Variants in GOLM2 observed in about 807,000 individuals in gnomAD.
The protein encoded by GOLM2 is protein GOLM2.
Under a neutral mutation model 55.9 loss-of-function variants are expected in GOLM2, and 26 were observed. The ratio of observed to expected loss-of-function variants is 0.47; its 90% confidence interval spans 0.34 to 0.65. The LOEUF (loss-of-function observed/expected upper bound fraction) is 0.65, where lower values mean the gene tolerates loss of function less well. Among genes scored for constraint, GOLM2 ranks in the 30% least tolerant of loss-of-function variants. GOLM2 has a pLI of 0.01. For synonymous variants in GOLM2, 165 were observed against 194.6 expected (o/e 0.85, Z 1.27); for missense variants, 486 against 531.8 (o/e 0.91, Z 0.85).
At chr15:44,360,152 C>A (rs2079227220) in intron 6 of GOLM2, among the ~76,000 whole-genome samples, 1 of 152,076 alleles carries the variant, frequency 6.6e-6, no homozygotes, top group South Asian at 2.1e-4. Context: ...AACTAACGAG[C>A]AAAATAACCA....
intron 6 of GOLM2, among the ~76,000 whole-genome samples, chr15:44,353,858 C>A (rs2079180701): frequency 6.6e-6 from 1 of 152,062 alleles, no homozygotes; most frequent in South Asian, 2.1e-4. Flanking sequence ...TGAACAAGGT[C>A]TGGTATTTGA....
At chr15:44,329,884 A>G (rs2079010114) in intron 3 of GOLM2, among the ~76,000 whole-genome samples, 1 of 148,300 alleles carries the variant, frequency 6.7e-6, no homozygotes, top group Non-Finnish European at 1.5e-5. Context: ...TCTGGGCAAC[A>G]GGGTGAGAAC....
At chr15:44,400,822 G>A (rs147565847) in intron 8 of GOLM2, among the ~76,000 whole-genome samples, 6,913 of 152,024 alleles carry the variant, frequency 0.045, 269 homozygotes, top group East Asian at 0.19. Context: ...CTGATCGCCC[G>A]CCTTGGCCTC....
intron 6 of GOLM2, among the ~76,000 whole-genome samples, chr15:44,375,597 G>A (rs563391513): frequency 2.0e-5 from 3 of 151,988 alleles, no homozygotes; most frequent in Non-Finnish European, 2.9e-5. Flanking sequence ...GGACAACATA[G>A]TGAGACCTCC....
chr15:44,309,969 C>T (rs906944539), intron 1 of GOLM2, among the ~76,000 whole-genome samples: 1 of 151,896 alleles, frequency 6.6e-6, no homozygotes, highest in African/African-American at 2.4e-5. Context: ...CTGCAACCTC[C>T]GCCTCCTGGG....
At chr15:44,364,286 G>A (rs978194784) in intron 6 of GOLM2, among the ~76,000 whole-genome samples, 1 of 152,156 alleles carries the variant, frequency 6.6e-6, no homozygotes, top group Non-Finnish European at 1.5e-5. Flanking sequence ...CACTTTGGGA[G>A]GCTGAGGCAG....
intron 8 of GOLM2, among the ~76,000 whole-genome samples, chr15:44,394,993 TA>T (rs2141206620): frequency 6.6e-6 from 1 of 152,168 alleles, no homozygotes; most frequent in East Asian, 1.9e-4. Context: ...TATATTACAT[TA>T]ATGACATAAA....
chr15:44,378,680 A>C (rs527833817), intron 6 of GOLM2, among the ~76,000 whole-genome samples: 64 of 152,152 alleles, frequency 4.2e-4, no homozygotes, highest in Non-Finnish European at 7.6e-4. Flanking sequence ...AACTTGTGTC[A>C]ATTTTTATTT....
chr15:44,334,298 CTA>C (rs1474035210), intron 4 of GOLM2, among the ~76,000 whole-genome samples: 1 of 152,172 alleles, frequency 6.6e-6, no homozygotes, highest in Non-Finnish European at 1.5e-5. Flanking sequence ...ACTTTAACTA[CTA>C]TGGCAAGTTG....
At chr15:44,323,051 C>T in intron 2 of GOLM2, 32 bp downstream of exon 2, 1 of 1,422,290 alleles carries the variant, frequency 7.0e-7, no homozygotes. Flanking sequence ...TAAAGATAAA[C>T]CAAGGTCACT....
chr15:44,392,621 C>T (rs987164718), intron 8 of GOLM2, among the ~76,000 whole-genome samples: 1 of 73,304 alleles, frequency 1.4e-5, no homozygotes, highest in Admixed American at 1.6e-4. Context: ...GACTCGGTCT[C>T]AAAAAAAAAA....
intron 8 of GOLM2, among the ~76,000 whole-genome samples, chr15:44,387,914 G>A (rs1406917815): frequency 1.3e-5 from 2 of 151,822 alleles, no homozygotes; most frequent in African/African-American, 4.8e-5. Context: ...TCTTATAGAA[G>A]ATCATTTCTT....
intron 8 of GOLM2, among the ~76,000 whole-genome samples, chr15:44,382,623 G>A (rs565507103): frequency 7.2e-5 from 11 of 151,996 alleles, no homozygotes; most frequent in Admixed American, 2.0e-4. Flanking sequence ...TACTGCTCCC[G>A]GCCAAGATTT....
intron 6 of GOLM2, among the ~76,000 whole-genome samples, chr15:44,341,691 ATTTTTTTTTTTT>A (rs752182459): frequency 8.3e-6 from 1 of 120,872 alleles, no homozygotes; most frequent in Non-Finnish European, 1.7e-5. Flanking sequence ...ATTTTATTAG[ATTTTTTTTTTTT>A]TTTTTTTTTT....
chr15:44,310,460 ATATATATATG>A (rs1464076985), intron 1 of GOLM2, among the ~76,000 whole-genome samples: 4 of 138,036 alleles, frequency 2.9e-5, no homozygotes, highest in Non-Finnish European at 3.0e-5. Context: ...CTCTCTATAT[ATATATATATG>A]TATATATATA....
Position 44,380,987 on chromosome 15 carries a change from A to G in GOLM2, c.1072+11A>G, listed in dbSNP as rs1163929989. On this transcript the variant is annotated intron_variant, in intron 8 of 9. Coordinates refer to ENST00000299957, the MANE Select transcript of GOLM2 (RefSeq NM_138423.4). ...ATAAATTGAAGCAAAGTAAGAATCAATTGATGAATATTATGCTAAAAATAT... is the reference window on the plus strand; with the variant it reads ...ATAAATTGAAGCAAAGTAAGAATCAGTTGATGAATATTATGCTAAAAATAT... 3 of 1,513,820 alleles carry G rather than the reference A, an allele frequency of 2.0e-6. No homozygotes were observed. The highest frequency in any genetic ancestry group is 1.4e-5 in the African/African-American group (1 of 71,940). The allele number at this position is 1,513,820 out of a possible 1,614,324, so 93.8% of individuals were successfully genotyped here.
intron 1 of GOLM2, among the ~76,000 whole-genome samples, chr15:44,292,420 TCTCCTGACCTCGTGATCCACCAGC>T (rs1459758329): frequency 2.6e-5 from 4 of 152,060 alleles, no homozygotes; most frequent in African/African-American, 9.7e-5. Context: ...ATGGTCTCGA[TCTCCTGACCTCGTGATCCACCAGC>T]CTTGGCCTCC....
rs1412952855 is a variant in GOLM2 at position 44,289,236 on chromosome 15, C to T, written c.207C>T (p.Asp69=). ...ARGRLEKRNS[D]LLLLVDTHKK... The stretch of plus-strand genomic sequence containing the variant: ...GGCGGCTGGAAAAGCGCAATTCGGA[C>T]CTCTTGCTGTTGGTGGACACGCACA... The change falls in exon 1 of 10, where the codon GAC becomes GAT. Residue 69 remains aspartate, a synonymous_variant. Transcript: ENST00000299957. This position sits in a 1 kb window ranked among gnomAD's most constrained non-coding sequence, Gnocchi z 4.8. 3 of 1,614,194 alleles carry T rather than the reference C, an allele frequency of 1.9e-6. No homozygotes were observed. Among genetic ancestry groups the T allele is most frequent in the South Asian group, 1.1e-5 (1 of 91,090 alleles).
intron 1 of GOLM2, among the ~76,000 whole-genome samples, chr15:44,305,985 A>G (rs2078834203): frequency 6.6e-6 from 1 of 152,216 alleles, no homozygotes; most frequent in Non-Finnish European, 1.5e-5. Context: ...CGCAGATAAA[A>G]CAGATTTAGC....
Sources: allele counts gnomAD v4.1 joint callset (sites outside exome capture counted in the v4.1 genomes callset), GRCh38; gene constraint gnomAD v4.1.1; non-coding constraint Gnocchi (gnomAD v3.1); transcripts MANE v1.5; gene names NCBI Gene and HGNC (gene_info 2026-07-23, HGNC 2026-07-21).